The following DLGAP2 variants were observed in gnomAD, a reference collection of about 807,000 sequenced individuals.
DLGAP2 encodes disks large-associated protein 2.
Under a neutral mutation model 100.3 loss-of-function variants are expected in DLGAP2, and 26 were observed. The observed-to-expected ratio is 0.26, with a 90% CI of 0.19 to 0.36. DLGAP2 has a LOEUF of 0.36. Ranked by LOEUF, DLGAP2 falls within the 10% of genes least tolerant of loss-of-function variation. The pLI is 1.00. For missense variants in DLGAP2, 1,858 were observed against 1,453.2 expected, an observed-to-expected ratio of 1.28 and a Z score of -4.53; for synonymous variants, 886 against 630.1, an observed-to-expected ratio of 1.41 and a Z score of -6.08.
At chr8:865,528 G>T (rs1156908363) in intron 1 of DLGAP2, among the ~76,000 whole-genome samples, 1 of 152,168 alleles carries the variant, frequency 6.6e-6, no homozygotes, top group African/African-American at 2.4e-5. Flanking sequence ...GTGAGCCATT[G>T]TGTGACTTCC....
rs535110374 is a variant in DLGAP2, at chr8:1,448,574, G to A, written c.107-52792G>A. ...AAAATGTATATTCTGTTGATTTGGG[G>A]TGGAGAGTTCTGTAGATGTCTATTA... On this transcript the variant is annotated intron_variant, in intron 3 of 14. Coordinates refer to ENST00000637795, the MANE Select transcript of DLGAP2 (RefSeq NM_001346810.2). Among the ~76,000 whole-genome samples the A allele has an allele frequency of 2.0e-5, 3 of 152,258 alleles. No homozygotes were observed. The South Asian group carries it at 6.2e-4, about 32-fold the overall frequency.
Position 1,322,905 on chromosome 8 carries a change from G to A in DLGAP2, c.106+64022G>A, listed in dbSNP as rs373284404. On this transcript the variant is annotated intron_variant, in intron 3 of 14. Transcript: ENST00000637795. ...ATTATAATCATTGTGTACTATTATCGGAGTGTCTGCCTCACTTTGTAGATT... is the reference window on the plus strand; with the variant it reads ...ATTATAATCATTGTGTACTATTATCAGAGTGTCTGCCTCACTTTGTAGATT... 1.2e-4 allele frequency among the ~76,000 whole-genome samples: 19 copies of A among 152,146 alleles called. 1 individual carries two copies. Among genetic ancestry groups the A allele is most frequent in the Admixed American group, 9.2e-4 (14 of 15,282 alleles).
chr8:1,199,686 C>G (rs1174293861), intron 2 of DLGAP2, among the ~76,000 whole-genome samples: 4 of 151,982 alleles, frequency 2.6e-5, no homozygotes, highest in Non-Finnish European at 5.9e-5. Context: ...GATGGAGAGT[C>G]TTATGGGTAT....
At chr8:1,647,311 C>T (rs1798061787) in intron 8 of DLGAP2, among the ~76,000 whole-genome samples, 2 of 151,660 alleles carry the variant, frequency 1.3e-5, no homozygotes, top group South Asian at 4.2e-4. Context: ...ACGGTGAAAC[C>T]CCATCTCTAC....
intron 1 of DLGAP2, among the ~76,000 whole-genome samples, chr8:843,392 G>A (rs1282034112): frequency 1.3e-5 from 2 of 152,296 alleles, no homozygotes; most frequent in South Asian, 2.1e-4. Context: ...AGGAGTTCAC[G>A]GGGGCTGTCT....
chr8:1,307,893 A>G (rs2117009585), intron 3 of DLGAP2, among the ~76,000 whole-genome samples: 1 of 152,272 alleles, frequency 6.6e-6, no homozygotes. Context: ...GGTAGTTAGA[A>G]ATGGGTACAG....
chr8:1,170,773 T>C (rs1563228503), intron 2 of DLGAP2, among the ~76,000 whole-genome samples: 2 of 150,294 alleles, frequency 1.3e-5, no homozygotes, highest in East Asian at 1.9e-4. Flanking sequence ...TTCTTTTCTC[T>C]TTTTTTCTTT....
At chr8:1,678,155 T>A (rs565963962) in intron 11 of DLGAP2, 59 bp from the exon 12 acceptor site, 2 of 1,546,716 alleles carry the variant, frequency 1.3e-6, no homozygotes, top group Admixed American at 1.8e-5. Context: ...ATGTAGGACT[T>A]TGTTGCATGA....
intron 2 of DLGAP2, among the ~76,000 whole-genome samples, chr8:951,652 A>G (rs1332017032): frequency 2.0e-5 from 3 of 152,194 alleles, no homozygotes; most frequent in Admixed American, 6.5e-5. Context: ...TTAATAACTC[A>G]GAAGATGTGT....
intron 3 of DLGAP2, among the ~76,000 whole-genome samples, chr8:1,373,266 A>G (rs1342013952): frequency 2.7e-5 from 4 of 150,802 alleles, no homozygotes; most frequent in Non-Finnish European, 4.5e-5. Context: ...CGCCGCCGCC[A>G]CGCGCGTGCG....
rs565757841 is a variant in DLGAP2, at chr8:1,323,675, C to T, written c.106+64792C>T. ...GCCTCTTCTGGGCAGCTATCCTTAG[C>T]ACCCTATTCTAGAACAATCCCAAAC... is the stretch of plus-strand genomic sequence containing the variant. On this transcript the variant is annotated intron_variant, in intron 3 of 14. Coordinates refer to ENST00000637795, the MANE Select transcript of DLGAP2 (RefSeq NM_001346810.2). Among the ~76,000 whole-genome samples, 14 of 152,336 alleles carry T rather than the reference C, an allele frequency of 9.2e-5. No homozygotes were observed. In the East Asian group the frequency reaches 2.3e-3, roughly 25 times the overall value.
chr8:1,229,963 G>C (rs1325542243), intron 2 of DLGAP2, among the ~76,000 whole-genome samples: 1 of 152,116 alleles, frequency 6.6e-6, no homozygotes, highest in Non-Finnish European at 1.5e-5. Flanking sequence ...ACTGGAACAA[G>C]ACAAGGATGC....
At chr8:1,325,515 C>T (rs143591585) in intron 3 of DLGAP2, among the ~76,000 whole-genome samples, 1 of 152,212 alleles carries the variant, frequency 6.6e-6, no homozygotes, top group African/African-American at 2.4e-5. Flanking sequence ...CTGTAAAAAA[C>T]TTTGTACGCA....
intron 4 of DLGAP2, among the ~76,000 whole-genome samples, chr8:1,513,042 G>T: frequency 6.6e-6 from 1 of 152,036 alleles, no homozygotes; most frequent in Non-Finnish European, 1.5e-5. Context: ...AGAGGCCACA[G>T]GCCAGCTCCA....
intron 2 of DLGAP2, among the ~76,000 whole-genome samples, chr8:1,251,066 T>A (rs779569546): frequency 8.5e-5 from 13 of 152,360 alleles, no homozygotes; most frequent in Admixed American, 3.9e-4. Flanking sequence ...ACATTGGTTT[T>A]CAAATTAGAA....
chr8:1,083,213 G>A (rs983249706), intron 2 of DLGAP2, among the ~76,000 whole-genome samples: 4 of 152,162 alleles, frequency 2.6e-5, no homozygotes, highest in African/African-American at 4.8e-5. Flanking sequence ...GGGGCATCGC[G>A]TAACACAAAT....
chr8:1,595,424 G>A (rs1179974350), intron 6 of DLGAP2, among the ~76,000 whole-genome samples: 1 of 151,916 alleles, frequency 6.6e-6, no homozygotes, highest in African/African-American at 2.4e-5. Context: ...AGCACTTTGG[G>A]AGGCCGAGGC....
chr8:983,577 G>T (rs1220335480), intron 2 of DLGAP2, among the ~76,000 whole-genome samples: 1 of 152,188 alleles, frequency 6.6e-6, no homozygotes, highest in Non-Finnish European at 1.5e-5. Context: ...CTGAGACTCA[G>T]TTTACTCATT....
At chr8:903,974 G>C (rs772907921) in intron 1 of DLGAP2, among the ~76,000 whole-genome samples, 5 of 152,254 alleles carry the variant, frequency 3.3e-5, no homozygotes, top group Non-Finnish European at 5.9e-5. Flanking sequence ...GTGAGGAAGA[G>C]GCGTGGCCGG....
Sources: allele counts gnomAD v4.1 joint callset (sites outside exome capture counted in the v4.1 genomes callset), GRCh38; gene constraint gnomAD v4.1.1; transcripts MANE v1.5; gene names NCBI Gene and HGNC (gene_info 2026-07-23, HGNC 2026-07-21).